Variants in GRIP1 observed in about 807,000 individuals in gnomAD.
GRIP1 encodes the protein glutamate receptor interacting protein 1, also known as glutamate receptor-interacting protein 1.
In GRIP1, 45 loss-of-function variants were observed where a neutral mutation model predicts 129.9. That is an observed-to-expected ratio of 0.35 (90% confidence interval 0.27 to 0.44). The LOEUF is 0.44. GRIP1 is among the 20% of genes least tolerant of loss of function. The pLI, the probability that GRIP1 is intolerant of heterozygous loss-of-function variation, is 1.00. For missense variants in GRIP1, 1,196 were observed against 1,396.8 expected (o/e 0.86, Z 2.29); for synonymous variants, 530 against 520.8 (o/e 1.02, Z -0.24).
intron 1 of GRIP1, among the ~76,000 whole-genome samples, chr12:66,955,230 G>A (rs564617346): frequency 1.2e-4 from 18 of 152,110 alleles, no homozygotes; most frequent in Non-Finnish European, 2.5e-4. Context: ...AGATTGCTGA[G>A]CCTGATCACC....
At chr12:66,832,963 A>T (rs1308868385) in intron 1 of GRIP1, among the ~76,000 whole-genome samples, 2 of 152,172 alleles carry the variant, frequency 1.3e-5, no homozygotes, top group Non-Finnish European at 2.9e-5. Flanking sequence ...CCCCTGCAGC[A>T]TGGAGTTTGT....
In GRIP1 at chr12:66,984,118, T is replaced by G. The variant is rs541640441; in HGVS notation, c.58+84932A>C. Among the ~76,000 whole-genome samples the G allele has an allele frequency of 7.2e-5, 11 of 152,180 alleles. No homozygotes were observed. The South Asian group carries it at 2.1e-3, about 29-fold the overall frequency. On this transcript the variant is annotated intron_variant, in intron 1 of 1. Transcript: ENST00000643019. ...ATCCACAGACAAATTAAGCCTCTAG[T>G]CTATACTTAAAGACTGTATTTCAAG...
chr12:67,036,914 G>A (rs1268667066), intron 1 of GRIP1, among the ~76,000 whole-genome samples: 2 of 151,952 alleles, frequency 1.3e-5, no homozygotes, highest in East Asian at 1.9e-4. Flanking sequence ...TAAACATACC[G>A]AGAAACATTA....
At chr12:66,732,090 G>C (rs937902494) in intron 1 of GRIP1, among the ~76,000 whole-genome samples, 2 of 152,036 alleles carry the variant, frequency 1.3e-5, no homozygotes, top group Non-Finnish European at 2.9e-5. Context: ...AACTGTGTGG[G>C]TCCACTTATA....
At chr12:66,633,475 C>T (rs2031049698) in intron 1 of GRIP1, among the ~76,000 whole-genome samples, 1 of 151,690 alleles carries the variant, frequency 6.6e-6, no homozygotes, top group Non-Finnish European at 1.5e-5. Flanking sequence ...TTTAAGATCA[C>T]TATTTAAAAA....
At chr12:66,639,871 T>C (rs1051611972) in intron 1 of GRIP1, among the ~76,000 whole-genome samples, 1 of 152,276 alleles carries the variant, frequency 6.6e-6, no homozygotes, top group South Asian at 2.1e-4. Context: ...GTTACACTAG[T>C]AGAATTAAAA....
At chr12:66,427,594 T>C (rs1046362419) in intron 14 of GRIP1, among the ~76,000 whole-genome samples, 2 of 152,134 alleles carry the variant, frequency 1.3e-5, no homozygotes, top group African/African-American at 4.8e-5. Flanking sequence ...AGATAATATA[T>C]TAACATATGT....
intron 24 of GRIP1, 136 bp from the exon 25 acceptor site, chr12:66,349,382 G>T: frequency 1.4e-6 from 1 of 727,594 alleles, no homozygotes; most frequent in Non-Finnish European, 2.5e-6. Context: ...CTATCCTTGT[G>T]ACTATGCTGT....
chr12:66,961,858 A>G (rs1185600152), intron 1 of GRIP1, among the ~76,000 whole-genome samples: 1 of 152,194 alleles, frequency 6.6e-6, no homozygotes, highest in Non-Finnish European at 1.5e-5. Context: ...ACAGCTGAAT[A>G]TTGATCAAAC....
chr12:66,369,340 C>CTTTTTTTT (rs758593628), intron 23 of GRIP1, among the ~76,000 whole-genome samples: 2 of 106,790 alleles, frequency 1.9e-5, no homozygotes, highest in Non-Finnish European at 1.9e-5. Context: ...TTAACAAGAT[C>CTTTTTTTT]TTTTTTTTTT....
intron 24 of GRIP1, among the ~76,000 whole-genome samples, chr12:66,350,358 A>G (rs2054167369): frequency 6.6e-6 from 1 of 152,058 alleles, no homozygotes; most frequent in African/African-American, 2.4e-5. Context: ...TTAGCCGGGC[A>G]TGGTGGTGGG....
In GRIP1 at chr12:66,736,346, ATTTTTTTTTTTTTTTTTTTTTTT is replaced by A. The variant is rs547706592; in HGVS notation, c.-420+67684_-420+67706del. 3.9e-3 allele frequency among the ~76,000 whole-genome samples: 263 copies of A among 67,020 alleles called. 6 individuals carry two copies. The highest frequency in any genetic ancestry group is 0.017 in the Middle Eastern group (2 of 118). 44.0% of individuals were successfully genotyped at this position (67,020 alleles called of 152,430 possible). On this transcript the variant is annotated intron_variant, in intron 1 of 4. Transcript: ENST00000538373. ...AGGTGTGCACCACCGTGCCTGGCTA[ATTTTTTTTTTTTTTTTTTTTTTT>A]TTTTTTTTTTTTTTTTTTTTTTTAG...
At chr12:66,516,895 C>T (rs148116015) in intron 6 of GRIP1, among the ~76,000 whole-genome samples, 169 of 152,214 alleles carry the variant, frequency 1.1e-3, no homozygotes, top group African/African-American at 3.9e-3. Context: ...GAATTCCTCC[C>T]GCAGTTCTTT....
chr12:66,756,577 G>A (rs1268046038), intron 1 of GRIP1, among the ~76,000 whole-genome samples: 1 of 152,152 alleles, frequency 6.6e-6, no homozygotes, highest in Non-Finnish European at 1.5e-5. Context: ...ACTTCATAGA[G>A]CCTCAGTAAT....
intron 1 of GRIP1, among the ~76,000 whole-genome samples, chr12:66,945,331 GC>G (rs1302150459): frequency 6.6e-6 from 1 of 152,106 alleles, no homozygotes; most frequent in African/African-American, 2.4e-5. Flanking sequence ...TTATGTAACT[GC>G]TGTAATAAAC....
intron 16 of GRIP1, among the ~76,000 whole-genome samples, chr12:66,402,735 C>A (rs1319292497): frequency 2.6e-5 from 4 of 152,098 alleles, no homozygotes; most frequent in African/African-American, 9.7e-5. Flanking sequence ...TATTACCATT[C>A]AAAAATATTG....
At chr12:66,750,610 T>C (rs1454006054) in intron 1 of GRIP1, among the ~76,000 whole-genome samples, 1 of 152,212 alleles carries the variant, frequency 6.6e-6, no homozygotes, top group Non-Finnish European at 1.5e-5. Flanking sequence ...CTTGTTCCAC[T>C]GGTTTAATCC....
intron 17 of GRIP1, 142 bp downstream of exon 17, chr12:66,394,066 C>A (rs1257877251): frequency 2.3e-6 from 2 of 864,102 alleles, no homozygotes; most frequent in Non-Finnish European, 3.8e-6. Flanking sequence ...CCTGAGAGTT[C>A]TCAGGCTCTA....
At position 66,550,548 on chromosome 12, in the gene GRIP1, G is replaced by A. The variant is rs556588934; in HGVS notation, c.137-8598C>T. 1.2e-4 allele frequency among the ~76,000 whole-genome samples: 18 copies of A among 152,282 alleles called. No homozygotes were observed. The South Asian group carries it at 3.5e-3, about 30-fold the overall frequency. ...AACGCTTGTCCCAGAAAAATTGTGT[G>A]CATTATTTCAGGGGAATTCATGAAT... is the stretch of plus-strand genomic sequence containing the variant. On this transcript the variant is annotated intron_variant, in intron 2 of 24. Transcript: ENST00000359742.
Sources: allele counts gnomAD v4.1 joint callset (sites outside exome capture counted in the v4.1 genomes callset), GRCh38; gene constraint gnomAD v4.1.1; transcripts MANE v1.5; gene names NCBI Gene and HGNC (gene_info 2026-07-23, HGNC 2026-07-21).